The following CSMD3 variants were observed in gnomAD, a reference collection of about 807,000 sequenced individuals.
The protein encoded by CSMD3 is CUB and Sushi multiple domains 3, also known as CUB and sushi domain-containing protein 3.
Under a neutral mutation model 435.2 loss-of-function variants are expected in CSMD3, and 177 were observed. The ratio of observed to expected loss-of-function variants is 0.41; its 90% CI spans 0.36 to 0.46. The LOEUF is 0.46. Among genes scored for constraint, CSMD3 ranks in the 20% least tolerant of loss-of-function variants. CSMD3 has a pLI of 0.34. For synonymous variants in CSMD3, 1,656 were observed against 1,520.5 expected (o/e 1.09, Z -2.07); for missense variants, 4,265 against 4,504.6 (o/e 0.95, Z 1.52).
Position 112,352,429 on chromosome 8 carries a change from C to T in CSMD3, c.6242G>A (p.Gly2081Glu), listed in dbSNP as rs760432055. The change falls in exon 39 of 71, where the codon GGA (glycine) becomes GAA (glutamate). Residue 2081 changes from glycine (G) to glutamate (E), a missense_variant. Gly to Glu is a moderately conservative substitution (Grantham distance 98, BLOSUM62 -2). This residue lies in a region of CSMD3 where 3,255 missense variants were observed against 3,380.2 expected (regional missense o/e 0.96). Coordinates refer to ENST00000297405, the MANE Select transcript of CSMD3 (RefSeq NM_198123.2). The stretch of plus-strand genomic sequence containing the variant: ...AAATAGACTTACCTGAAGAGAATAT[C>T]CTTGATCACACTGAAAGGATACTAC... ...GDVVSFQCDQ[G>E]YSLQGHSHIT... The T allele has an allele frequency of 1.9e-6, 3 of 1,613,376 alleles. No homozygotes were observed. The highest frequency in any genetic ancestry group is 2.2e-5 in the South Asian group (2 of 91,070).
At position 113,190,195 on chromosome 8, in the gene CSMD3, T is replaced by A. The variant is rs544551522; in HGVS notation, c.515-16279A>T. Among the ~76,000 whole-genome samples the A allele has an allele frequency of 5.9e-5, 9 of 151,934 alleles. No homozygotes were observed. In the South Asian group the frequency reaches 1.4e-3, roughly 24 times the overall value. On this transcript the variant is annotated intron_variant, in intron 3 of 70. Coordinates refer to ENST00000297405, the MANE Select transcript of CSMD3 (RefSeq NM_198123.2). Reference sequence around the variant, plus strand: ...ACACCTACTGAACGCTAAAAATTGGTCTTCAAAGATACAACATTGAACAAT... The same window carrying A: ...ACACCTACTGAACGCTAAAAATTGGACTTCAAAGATACAACATTGAACAAT...
chr8:112,330,404 T>C (rs2130920626), intron 45 of CSMD3, among the ~76,000 whole-genome samples: 1 of 152,254 alleles, frequency 6.6e-6, no homozygotes, highest in East Asian at 1.9e-4. Context: ...TGAATTTCCC[T>C]AGTACATTGA....
intron 27 of CSMD3, among the ~76,000 whole-genome samples, chr8:112,524,036 C>T (rs1824591171): frequency 6.6e-6 from 1 of 152,030 alleles, no homozygotes; most frequent in Non-Finnish European, 1.5e-5. Context: ...GCATTTATTA[C>T]ACCAAATAAT....
At chr8:113,339,713 C>A (rs1392081243) in intron 1 of CSMD3, among the ~76,000 whole-genome samples, 1 of 151,942 alleles carries the variant, frequency 6.6e-6, no homozygotes, top group African/African-American at 2.4e-5. Flanking sequence ...TACTGAGCAA[C>A]TTCATTAAAA....
chr8:113,352,981 A>G (rs1386438634), intron 1 of CSMD3, among the ~76,000 whole-genome samples: 1 of 152,178 alleles, frequency 6.6e-6, no homozygotes, highest in Admixed American at 6.5e-5. Context: ...AATTACTGCC[A>G]TGGGGAACAC....
intron 19 of CSMD3, among the ~76,000 whole-genome samples, chr8:112,646,151 A>T (rs2074973506): frequency 6.6e-6 from 1 of 152,206 alleles, no homozygotes; most frequent in African/African-American, 2.4e-5. Flanking sequence ...ATGAATTTGT[A>T]TGATGAATGA....
At chr8:113,222,585 G>A (rs536260796) in intron 3 of CSMD3, among the ~76,000 whole-genome samples, 39 of 151,140 alleles carry the variant, frequency 2.6e-4, no homozygotes, top group African/African-American at 8.9e-4. Context: ...TCACCATGTA[G>A]ATAAAAATTG....
Position 113,098,940 on chromosome 8 carries a change from T to C in CSMD3, c.733A>G (p.Met245Val), listed in dbSNP as rs1215570701. 1.2e-6 allele frequency: 2 copies of C among 1,611,064 alleles called. No homozygotes were observed. Among genetic ancestry groups the C allele is most frequent in the Non-Finnish European group, 1.7e-6 (2 of 1,177,484 alleles). Reference sequence around the variant, plus strand: ...GATATGATGCCACTGGATCCTCTCATTGTTCCTCCACAAGCATCTTCAGCT... The same window carrying C: ...GATATGATGCCACTGGATCCTCTCACTGTTCCTCCACAAGCATCTTCAGCT... ...CRAEDACGGT[M>V]RGSSGIISSP... The change falls in exon 5 of 71, where the codon ATG becomes GTG. Residue 245 changes from methionine to valine, a missense_variant. By Grantham distance (21) the Met-to-Val change is conservative. This residue lies in a region of CSMD3 where 731 missense variants were observed against 755.4 expected (regional missense o/e 0.97). Transcript: ENST00000297405.
intron 22 of CSMD3, among the ~76,000 whole-genome samples, chr8:112,629,481 G>A (rs1586840754): frequency 1.3e-5 from 2 of 152,120 alleles, no homozygotes; most frequent in South Asian, 4.1e-4. Flanking sequence ...AAACACAAGT[G>A]AGAATTTGGT....
intron 30 of CSMD3, among the ~76,000 whole-genome samples, chr8:112,495,543 C>T (rs1821249364): frequency 6.6e-6 from 1 of 152,168 alleles, no homozygotes; most frequent in African/African-American, 2.4e-5. Flanking sequence ...TTACATACTG[C>T]TTTAAATCCT....
intron 10 of CSMD3, among the ~76,000 whole-genome samples, chr8:112,905,454 T>C (rs558923963): frequency 1.3e-3 from 201 of 151,382 alleles, no homozygotes; most frequent in South Asian, 4.6e-3. Context: ...ATTGACTGCT[T>C]TTGTTCTGGA....
At chr8:112,649,618 C>T (rs559447164) in intron 19 of CSMD3, among the ~76,000 whole-genome samples, 3 of 152,252 alleles carry the variant, frequency 2.0e-5, no homozygotes, top group South Asian at 2.1e-4. Context: ...AAAAATGAAG[C>T]ACTTCTGACT....
intron 22 of CSMD3, among the ~76,000 whole-genome samples, chr8:112,616,907 G>A (rs1833700382): frequency 6.6e-6 from 1 of 152,158 alleles, no homozygotes; most frequent in South Asian, 2.1e-4. Context: ...CCTTTAAGAG[G>A]GAAAATGTGT....
intron 2 of CSMD3, among the ~76,000 whole-genome samples, chr8:113,284,933 C>T (rs925297939): frequency 6.6e-6 from 1 of 152,082 alleles, no homozygotes; most frequent in Non-Finnish European, 1.5e-5. Context: ...AATCACAGCT[C>T]AGGAATGATA....
At chr8:112,748,280 G>A (rs1427200208) in intron 13 of CSMD3, among the ~76,000 whole-genome samples, 2 of 152,122 alleles carry the variant, frequency 1.3e-5, no homozygotes, top group Admixed American at 1.3e-4. Context: ...TCTTTGAATA[G>A]GAGTCCTGAA....
chr8:112,593,290 C>G (rs1831356706), intron 22 of CSMD3, among the ~76,000 whole-genome samples: 1 of 152,142 alleles, frequency 6.6e-6, no homozygotes, highest in South Asian at 2.1e-4. Context: ...TCTTGGGTTA[C>G]TAGAGGATGA....
chr8:112,705,634 T>A (rs1366785320), intron 13 of CSMD3, among the ~76,000 whole-genome samples: 1 of 151,888 alleles, frequency 6.6e-6, no homozygotes, highest in Non-Finnish European at 1.5e-5. Flanking sequence ...CTCCCCTGCA[T>A]CACAAAAAAG....
intron 1 of CSMD3, among the ~76,000 whole-genome samples, chr8:113,406,849 T>G (rs1322277874): frequency 6.6e-6 from 1 of 152,106 alleles, no homozygotes. Context: ...TTTGTGGATA[T>G]ATGCACTGTA....
chr8:112,842,149 G>A (rs1006670835), intron 11 of CSMD3, among the ~76,000 whole-genome samples: 2 of 151,632 alleles, frequency 1.3e-5, no homozygotes, highest in African/African-American at 4.8e-5. Flanking sequence ...TAGGTAGCTG[G>A]GGTAGGAGAC....
Sources: gnomAD v4.1 joint callset for allele counts (sites outside exome capture counted in the v4.1 genomes callset) on GRCh38, gnomAD v4.1.1 for gene constraint, gnomAD v4.1.1 regional missense constraint, MANE v1.5 for transcripts, NCBI Gene and HGNC (gene_info 2026-07-23, HGNC 2026-07-21) for gene names.